The following NPSR1 variants were observed in gnomAD, a reference collection of about 807,000 sequenced individuals.
NPSR1 encodes the protein neuropeptide S receptor.
NPSR1 carries 48 observed loss-of-function variants against 46.9 expected under a neutral mutation model. The ratio of observed to expected loss-of-function variants is 1.02; its 90% CI spans 0.81 to 1.30. The LOEUF (loss-of-function observed/expected upper bound fraction) is 1.30, where lower values mean the gene tolerates loss of function less well. NPSR1 is among the 50% of genes most tolerant of loss of function. The probability of loss-of-function intolerance (pLI) is 0.00; values close to 1 mark genes in which losing one functional copy is unlikely to be tolerated. For missense variants in NPSR1, 450 were observed against 449.5 expected, an observed-to-expected ratio of 1.00 and a Z score of -0.01; for synonymous variants, 176 against 168.1, an observed-to-expected ratio of 1.05 and a Z score of -0.36.
chr7:34,747,333 G>A (rs1785257755), intron 2 of NPSR1, among the ~76,000 whole-genome samples: 2 of 152,136 alleles, frequency 1.3e-5, no homozygotes, highest in Non-Finnish European at 2.9e-5. Flanking sequence ...CATATTGAAA[G>A]TGAGAAGAAA....
intron 2 of NPSR1, among the ~76,000 whole-genome samples, chr7:34,759,863 T>A (rs887536155): frequency 6.6e-5 from 10 of 152,164 alleles, no homozygotes; most frequent in Non-Finnish European, 1.5e-4. Context: ...CATGCCAAAT[T>A]TCCTGCACAG....
chr7:34,790,948 A>ATATGTTATATGTTATATTATATATGT lies in NPSR1; in HGVS notation c.384+12387_384+12412dup, dbSNP rs1562730051. Reference sequence around the variant, plus strand: ...TGTTATATGTTATATTATATATCATATATGTTATATGTTATATTATATATG... The same window carrying ATATGTTATATGTTATATTATATATGT: ...TGTTATATGTTATATTATATATCATATATGTTATATGTTATATTATATATGTTATGTTATATGTTATATTATATATG... On this transcript the variant is annotated intron_variant, in intron 3 of 8. Coordinates refer to ENST00000360581, the MANE Select transcript of NPSR1 (RefSeq NM_207172.2). Among the ~76,000 whole-genome samples the ATATGTTATATGTTATATTATATATGT allele has an allele frequency of 1.3e-4, 12 of 90,534 alleles. No individual in the cohort carries two copies. The East Asian group carries it at 1.7e-3, about 13-fold the overall frequency. 59.4% of individuals were successfully genotyped at this position (90,534 alleles called of 152,430 possible).
intron 8 of NPSR1, among the ~76,000 whole-genome samples, chr7:34,862,553 C>A (rs866790931): frequency 6.6e-6 from 1 of 151,780 alleles, no homozygotes; most frequent in Admixed American, 6.6e-5. Context: ...AGTGTGGTTT[C>A]TCTTTCTTTG....
intron 2 of NPSR1, among the ~76,000 whole-genome samples, chr7:34,761,708 A>G (rs1037782153): frequency 6.6e-6 from 1 of 152,198 alleles, no homozygotes; most frequent in African/African-American, 2.4e-5. Flanking sequence ...AACATCCCAG[A>G]TCATTTCTGT....
rs544288242 is a variant in NPSR1 at position 34,844,458 on chromosome 7, G to GT, written c.758-428dup. 8.8e-3 allele frequency among the ~76,000 whole-genome samples: 1,293 copies of GT among 147,086 alleles called. 10 individuals carry two copies. The highest frequency in any genetic ancestry group is 0.018 in the African/African-American group (734 of 40,286). Reference sequence around the variant, plus strand: ...AGCGTTTTTTTGTTTTTGTTTTTTTGTTTTTTTTTTGATGAATGTATTTGT... The same window carrying GT: ...AGCGTTTTTTTGTTTTTGTTTTTTTGTTTTTTTTTTTGATGAATGTATTTGT... On this transcript the variant is annotated intron_variant, in intron 6 of 8. Transcript: ENST00000360581.
intron 3 of NPSR1, among the ~76,000 whole-genome samples, chr7:34,790,861 TATATATGTTATATGTTATATTATATATC>T (rs1562729703): frequency 1.2e-4 from 14 of 115,826 alleles, no homozygotes; most frequent in African/African-American, 1.4e-4. Context: ...TATGTTATGT[TATATATGTTATATGTTATATTATATATC>T]ATATATGTTA....
intron 2 of NPSR1, chr7:34,723,264 A>G (rs17198093): frequency 0.13 from 19,171 of 152,602 alleles, 1,478 homozygotes; most frequent in Non-Finnish European, 0.17. Flanking sequence ...GGAAGATTTC[A>G]TTTGACCCCA....
chr7:34,689,631 A>G (rs866139213), intron 2 of NPSR1, among the ~76,000 whole-genome samples: 6 of 145,406 alleles, frequency 4.1e-5, no homozygotes, highest in East Asian at 2.0e-4. Flanking sequence ...AAAAAAAAAA[A>G]AAAGAAAAGA....
intron 3 of NPSR1, chr7:34,779,416 A>G (rs2128737224): frequency 3.3e-6 from 1 of 300,868 alleles, no homozygotes; most frequent in East Asian, 5.1e-5. Context: ...AGCTTTATGT[A>G]TATATAATGC....
chr7:34,741,956 G>A (rs1228915949), intron 2 of NPSR1, among the ~76,000 whole-genome samples: 1 of 152,170 alleles, frequency 6.6e-6, no homozygotes, highest in Non-Finnish European at 1.5e-5. Context: ...GCCAGCATTT[G>A]TTGCTGGATG....
chr7:34,705,152 C>T (rs193086377), intron 2 of NPSR1, among the ~76,000 whole-genome samples: 1 of 152,090 alleles, frequency 6.6e-6, no homozygotes, highest in African/African-American at 2.4e-5. Flanking sequence ...TTTGGTTGGA[C>T]GTGGTGGCTC....
At chr7:34,877,562 C>T (rs1791607073) in intron 8 of NPSR1, among the ~76,000 whole-genome samples, 2 of 152,214 alleles carry the variant, frequency 1.3e-5, no homozygotes, top group South Asian at 4.1e-4. Flanking sequence ...TAGCAGACTA[C>T]ACACACCTGA....
intron 1 of NPSR1, among the ~76,000 whole-genome samples, chr7:34,664,621 A>T (rs1204126850): frequency 1.2e-5 from 1 of 83,790 alleles, no homozygotes; most frequent in African/African-American, 7.5e-5. Flanking sequence ...TTTTTTAAAA[A>T]AAAAAAATGA....
At chr7:34,812,925 G>A (rs1412053193) in intron 4 of NPSR1, among the ~76,000 whole-genome samples, 1 of 152,192 alleles carries the variant, frequency 6.6e-6, no homozygotes, top group Non-Finnish European at 1.5e-5. Context: ...TTTAATAGAA[G>A]TAGCAGAATT....
chr7:34,877,816 T>C (rs12701390), intron 8 of NPSR1, among the ~76,000 whole-genome samples: 3 of 152,136 alleles, frequency 2.0e-5, no homozygotes, highest in East Asian at 1.9e-4. Context: ...CAATGCCAGT[T>C]GTCACTTCAA....
chr7:34,756,963 C>A (rs1401832508), intron 2 of NPSR1, among the ~76,000 whole-genome samples: 1 of 152,132 alleles, frequency 6.6e-6, no homozygotes. Context: ...TATATGATTG[C>A]CTTCTTCAGA....
chr7:34,758,450 A>AT, intron 2 of NPSR1, among the ~76,000 whole-genome samples: 2 of 152,350 alleles, frequency 1.3e-5, no homozygotes, highest in Middle Eastern at 6.8e-3. Flanking sequence ...ACTTCTCAAT[A>AT]TAACAGCAGC....
intron 2 of NPSR1, among the ~76,000 whole-genome samples, chr7:34,747,163 G>C (rs1290089988): frequency 6.6e-6 from 1 of 150,520 alleles, no homozygotes; most frequent in African/African-American, 2.4e-5. Flanking sequence ...ATTTCTAAGA[G>C]AGAGACCTTA....
chr7:34,755,493 CA>C (rs1330766322), intron 2 of NPSR1, among the ~76,000 whole-genome samples: 1 of 152,156 alleles, frequency 6.6e-6, no homozygotes, highest in Non-Finnish European at 1.5e-5. Flanking sequence ...TAGTTGCAGA[CA>C]GTTTACTATC....
Sources: allele counts gnomAD v4.1 joint callset (sites outside exome capture counted in the v4.1 genomes callset), GRCh38; gene constraint gnomAD v4.1.1; transcripts MANE v1.5; gene names NCBI Gene and HGNC (gene_info 2026-07-23, HGNC 2026-07-21).